The following BLTP3B variants were observed in gnomAD, a reference collection of about 807,000 sequenced individuals.
The protein encoded by BLTP3B is UHRF1 (ICBP90) binding protein 1-like.
the BLTP3B span, among the ~76,000 whole-genome samples, chr12:100,140,853 T>C: frequency 5.2e-3 from 785 of 150,788 alleles, 3 homozygotes; most frequent in Middle Eastern, 0.021. Context: ...TAATTTTTTT[T>C]ATTATACTTT....
chr12:100,142,641 C>T, the BLTP3B span: 6 of 1,607,780 alleles, frequency 3.7e-6, no homozygotes, highest in Non-Finnish European at 5.1e-6. Flanking sequence ...GCCATGGTAC[C>T]GAGGCTGGAG....
the BLTP3B span, among the ~76,000 whole-genome samples, chr12:100,088,003 C>A: frequency 5.3e-5 from 8 of 152,180 alleles, no homozygotes; most frequent in African/African-American, 1.7e-4. Context: ...CCGAATCTTC[C>A]TCACCTTTGC....
At chr12:100,066,137 C>A in the BLTP3B span, among the ~76,000 whole-genome samples, 4 of 152,098 alleles carry the variant, frequency 2.6e-5, no homozygotes, top group African/African-American at 4.8e-5. Context: ...AGAGACTCAC[C>A]TAACAAATAA....
chr12:100,066,188 T>A, the BLTP3B span, among the ~76,000 whole-genome samples: 1 of 152,088 alleles, frequency 6.6e-6, no homozygotes, highest in Non-Finnish European at 1.5e-5. Flanking sequence ...GAAAAAGACA[T>A]TTCATGCAAA....
At chr12:100,064,854 C>T in the BLTP3B span, among the ~76,000 whole-genome samples, 1 of 146,538 alleles carries the variant, frequency 6.8e-6, no homozygotes, top group Admixed American at 6.8e-5. Flanking sequence ...TTTCAGAGAT[C>T]TATAAAACAA....
the BLTP3B span, among the ~76,000 whole-genome samples, chr12:100,105,599 C>T: frequency 2.3e-3 from 348 of 152,112 alleles, 7 homozygotes; most frequent in East Asian, 0.039. Context: ...TGGAAGAAAA[C>T]CTAGGAAAAA....
chr12:100,048,247 A>G, the BLTP3B span: 2 of 1,525,424 alleles, frequency 1.3e-6, no homozygotes, highest in African/African-American at 2.8e-5. Context: ...CAATAATATT[A>G]CAATTATGTG....
the BLTP3B span, among the ~76,000 whole-genome samples, chr12:100,045,465 C>T: frequency 1.3e-5 from 2 of 152,122 alleles, no homozygotes; most frequent in East Asian, 1.9e-4. Context: ...CTGACAAAAA[C>T]AAGCAATAGG....
At chr12:100,041,361 G>C in the BLTP3B span, among the ~76,000 whole-genome samples, 10 of 151,554 alleles carry the variant, frequency 6.6e-5, no homozygotes, top group African/African-American at 2.4e-4. Flanking sequence ...GATACTTAGT[G>C]GTGAAAGACT....
the BLTP3B span, among the ~76,000 whole-genome samples, chr12:100,053,580 C>A: frequency 6.6e-6 from 1 of 152,120 alleles, no homozygotes; most frequent in African/African-American, 2.4e-5. Flanking sequence ...CACGCATGCA[C>A]ATACATATCT....
At chr12:100,087,158 C>CAG in the BLTP3B span, among the ~76,000 whole-genome samples, 10 of 59,854 alleles carry the variant, frequency 1.7e-4, no homozygotes, top group Non-Finnish European at 2.5e-4. Context: ...GACTCCATCT[C>CAG]AAAAAAAAAA....
the BLTP3B span, among the ~76,000 whole-genome samples, chr12:100,081,692 T>C: frequency 6.6e-6 from 1 of 152,216 alleles, no homozygotes; most frequent in African/African-American, 2.4e-5. Context: ...CCTGCATTAA[T>C]TCACTTGGGA....
At chr12:100,052,007 T>C in the BLTP3B span, 14 of 151,678 alleles carry the variant, frequency 9.2e-5, no homozygotes, top group Admixed American at 5.9e-4. Context: ...GATCACACCA[T>C]TGCATTGCAC....
chr12:100,091,346 C>T, the BLTP3B span, among the ~76,000 whole-genome samples: 1 of 151,466 alleles, frequency 6.6e-6, no homozygotes, highest in East Asian at 1.9e-4. Flanking sequence ...CGCCACCACG[C>T]CCAGCTAATT....
the BLTP3B span, among the ~76,000 whole-genome samples, chr12:100,045,226 C>T: frequency 2.0e-5 from 3 of 152,196 alleles, no homozygotes; most frequent in Non-Finnish European, 2.9e-5. Flanking sequence ...CACTGACTTT[C>T]TTCACAGAAC....
the BLTP3B span, chr12:100,050,362 A>C: frequency 1.3e-6 from 2 of 1,518,546 alleles, no homozygotes; most frequent in East Asian, 2.3e-5. Flanking sequence ...CAAGCAGTTC[A>C]AAACAAAATT....
the BLTP3B span, among the ~76,000 whole-genome samples, chr12:100,110,014 TCA>T: frequency 2.0e-5 from 3 of 152,184 alleles, no homozygotes; most frequent in Non-Finnish European, 4.4e-5. Flanking sequence ...TGAAATACAT[TCA>T]TATACATTAC....
At chr12:100,062,571 G>T in the BLTP3B span, among the ~76,000 whole-genome samples, 1 of 151,570 alleles carries the variant, frequency 6.6e-6, no homozygotes, top group Admixed American at 6.6e-5. Flanking sequence ...AGTTTAAAAT[G>T]CAAGGAAGGA....
At chr12:100,094,435 C>T in the BLTP3B span, among the ~76,000 whole-genome samples, 26 of 152,156 alleles carry the variant, frequency 1.7e-4, no homozygotes, top group African/African-American at 6.3e-4. Context: ...TCATATTTGA[C>T]TCACCATTAT....
Sources: gnomAD v4.1 joint callset for allele counts (sites outside exome capture counted in the v4.1 genomes callset) on GRCh38, gnomAD v4.1.1 for gene constraint, MANE v1.5 for transcripts, NCBI Gene and HGNC (gene_info 2026-07-23, HGNC 2026-07-21) for gene names.